Variants in SLC24A3 observed in about 807,000 individuals in gnomAD.
SLC24A3 encodes sodium/potassium/calcium exchanger 3.
A neutral mutation model predicts 75.8 loss-of-function variants in SLC24A3; 28 were observed. The ratio of observed to expected loss-of-function variants is 0.37; its 90% CI spans 0.27 to 0.51. The LOEUF (loss-of-function observed/expected upper bound fraction) is 0.51. Ranked by LOEUF, SLC24A3 falls within the 20% of genes least tolerant of loss-of-function variation. SLC24A3 has a pLI of 0.94. For synonymous variants in SLC24A3, 372 were observed against 334.1 expected (o/e 1.11, Z -1.24); for missense variants, 663 against 847.8 (o/e 0.78, Z 2.71).
At chr20:19,343,832 C>T (rs1030744825) in intron 2 of SLC24A3, among the ~76,000 whole-genome samples, 7 of 152,132 alleles carry the variant, frequency 4.6e-5, no homozygotes, top group Non-Finnish European at 1.0e-4. Flanking sequence ...AGGCGTCTCA[C>T]TCATAAAAAG....
At chr20:19,410,311 G>T (rs556758867) in intron 2 of SLC24A3, among the ~76,000 whole-genome samples, 1 of 152,258 alleles carries the variant, frequency 6.6e-6, no homozygotes, top group African/African-American at 2.4e-5. Context: ...CCTTGAGGAA[G>T]CGAACCCAGC....
intron 14 of SLC24A3, chr20:19,697,362 T>C (rs1009055156): frequency 1.8e-5 from 3 of 168,504 alleles, no homozygotes; most frequent in African/African-American, 7.1e-5. Flanking sequence ...AGATGCACTA[T>C]CTTATTTGAT....
At chr20:19,584,201 A>G (rs1600290442) in intron 4 of SLC24A3, among the ~76,000 whole-genome samples, 1 of 139,576 alleles carries the variant, frequency 7.2e-6, no homozygotes, top group Admixed American at 7.2e-5. Flanking sequence ...TTGGTTTAAC[A>G]AACAGAGTAA....
At chr20:19,285,249 G>T (rs1005377900) in intron 2 of SLC24A3, among the ~76,000 whole-genome samples, 1 of 152,114 alleles carries the variant, frequency 6.6e-6, no homozygotes, top group African/African-American at 2.4e-5. Flanking sequence ...AGCCCAAGGC[G>T]GGTGGATTAC....
intron 2 of SLC24A3, among the ~76,000 whole-genome samples, chr20:19,507,575 C>G (rs1173106935): frequency 1.1e-4 from 16 of 152,180 alleles, no homozygotes; most frequent in African/African-American, 3.9e-4. Context: ...CAAGAAAATG[C>G]AAAATGGTGA....
intron 6 of SLC24A3, among the ~76,000 whole-genome samples, chr20:19,617,252 TGCCTGGTGGCCTGCAAGCCAGC>T (rs1265821372): frequency 6.6e-6 from 1 of 152,240 alleles, no homozygotes; most frequent in Non-Finnish European, 1.5e-5. Context: ...CCGTGGAGCC[TGCCTGGTGGCCTGCAAGCCAGC>T]GCATCTGTGC....
intron 2 of SLC24A3, among the ~76,000 whole-genome samples, chr20:19,437,963 C>T (rs919058466): frequency 1.3e-5 from 2 of 152,146 alleles, no homozygotes; most frequent in Admixed American, 6.5e-5. Context: ...GCTGCATTTT[C>T]GGAACAGAAC....
At chr20:19,713,921 C>T (rs2033015967) in intron 15 of SLC24A3, among the ~76,000 whole-genome samples, 1 of 152,180 alleles carries the variant, frequency 6.6e-6, no homozygotes, top group South Asian at 2.1e-4. Flanking sequence ...AGGAAGTTAG[C>T]TCTGGAGTCC....
intron 6 of SLC24A3, among the ~76,000 whole-genome samples, chr20:19,610,760 T>TG (rs1162713880): frequency 6.6e-6 from 1 of 152,150 alleles, no homozygotes; most frequent in Non-Finnish European, 1.5e-5. Context: ...AGTGGCCACC[T>TG]GGGGGGTCAG....
chr20:19,653,382 A>G lies in SLC24A3; in HGVS notation c.613-680A>G, dbSNP rs76612144. Among the ~76,000 whole-genome samples, 691 of 152,346 alleles carry G rather than the reference A, an allele frequency of 4.5e-3. 5 individuals carry two copies. The highest frequency in any genetic ancestry group is 0.016 in the African/African-American group (655 of 41,586). ...CAAGAACATTTTCCCCTGGATCAGT[A>G]TGCAAATCAATCTTTCAAAGATTCT... On this transcript the variant is annotated intron_variant, in intron 6 of 16. Coordinates refer to ENST00000328041, the MANE Select transcript of SLC24A3 (RefSeq NM_020689.4).
At chr20:19,330,853 G>C (rs894919987) in intron 2 of SLC24A3, among the ~76,000 whole-genome samples, 3 of 152,196 alleles carry the variant, frequency 2.0e-5, no homozygotes, top group African/African-American at 7.2e-5. Context: ...ACATCACCAA[G>C]GAGACCGATG....
chr20:19,382,168 C>T (rs952000143), intron 2 of SLC24A3, among the ~76,000 whole-genome samples: 3 of 152,226 alleles, frequency 2.0e-5, no homozygotes, highest in Admixed American at 2.0e-4. Flanking sequence ...ATTCACTACA[C>T]ATGAATAAAT....
intron 1 of SLC24A3, among the ~76,000 whole-genome samples, chr20:19,245,224 A>G (rs1327799077): frequency 6.6e-6 from 1 of 152,138 alleles, no homozygotes; most frequent in East Asian, 1.9e-4. Flanking sequence ...GGTCCTGGAA[A>G]CCTCATGCCA....
chr20:19,635,737 C>T (rs2031992536), intron 6 of SLC24A3, among the ~76,000 whole-genome samples: 1 of 152,162 alleles, frequency 6.6e-6, no homozygotes, highest in Non-Finnish European at 1.5e-5. Flanking sequence ...CCTGGAGCAC[C>T]TTTGTATGTT....
At chr20:19,215,172 G>A (rs555854676) in intron 1 of SLC24A3, among the ~76,000 whole-genome samples, 2 of 152,300 alleles carry the variant, frequency 1.3e-5, no homozygotes, top group East Asian at 1.9e-4. Flanking sequence ...GGGAATTGTC[G>A]TTTGGCACAC....
chr20:19,315,627 C>T (rs1984568533), intron 2 of SLC24A3, among the ~76,000 whole-genome samples: 1 of 152,180 alleles, frequency 6.6e-6, no homozygotes, highest in Non-Finnish European at 1.5e-5. Flanking sequence ...TGGAAGCGTG[C>T]ACTGCTGTGC....
chr20:19,362,491 G>A (rs1285853737), intron 2 of SLC24A3, among the ~76,000 whole-genome samples: 2 of 152,222 alleles, frequency 1.3e-5, no homozygotes, highest in Non-Finnish European at 2.9e-5. Context: ...TTCAGGCAAA[G>A]CAGATTAAAG....
intron 2 of SLC24A3, among the ~76,000 whole-genome samples, chr20:19,298,136 T>A (rs914746256): frequency 1.3e-5 from 2 of 152,226 alleles, no homozygotes; most frequent in African/African-American, 4.8e-5. Context: ...AGACACAGCA[T>A]CAGAGAGAGA....
At position 19,230,595 on chromosome 20, in the gene SLC24A3, T is replaced by A. The variant is rs1385775523; in HGVS notation, c.142+17611T>A. 2.1e-5 allele frequency among the ~76,000 whole-genome samples: 3 copies of A among 144,156 alleles called. No individual in the cohort carries two copies. The East Asian group carries it at 6.6e-4, about 32-fold the overall frequency. The allele number at this position is 144,156 out of a possible 152,430, so 94.6% of individuals were successfully genotyped here. A position where few individuals can be genotyped will look rare whatever the true frequency, so the allele number is the denominator to read the frequency against. On this transcript the variant is annotated intron_variant, in intron 1 of 16. Transcript: ENST00000328041. The stretch of plus-strand genomic sequence containing the variant: ...TTGCATTTCCGGGAACTGGGGTCTC[T>A]GAATGGATGGGTATAGAAAGACATA...
Sources: gnomAD v4.1 joint callset for allele counts (sites outside exome capture counted in the v4.1 genomes callset) on GRCh38, gnomAD v4.1.1 for gene constraint, MANE v1.5 for transcripts, NCBI Gene and HGNC (gene_info 2026-07-23, HGNC 2026-07-21) for gene names.